Variants in ACO2 observed in about 807,000 individuals in gnomAD.
ACO2 encodes aconitate hydratase, mitochondrial.
In ACO2, 31 loss-of-function variants were observed where a neutral mutation model predicts 84.5. The observed-to-expected ratio is 0.37, with a 90% CI of 0.28 to 0.50. The LOEUF (loss-of-function observed/expected upper bound fraction) is 0.50, where lower values mean the gene tolerates loss of function less well. Among genes scored for constraint, ACO2 ranks in the 20% least tolerant of loss-of-function variants. ACO2 has a pLI of 0.97. For synonymous variants in ACO2, 414 were observed against 412.7 expected, an observed-to-expected ratio of 1.00 and a Z score of -0.04; for missense variants, 685 against 1,029.3, an observed-to-expected ratio of 0.67 and a Z score of 4.58.
chr22:41,518,933 G>A lies in ACO2; in HGVS notation c.1032+361G>A, dbSNP rs527295891. 1.7e-3 allele frequency among the ~76,000 whole-genome samples: 262 copies of A among 152,286 alleles called. 2 individuals carry two copies. The highest frequency in any genetic ancestry group is 2.3e-3 in the Non-Finnish European group (159 of 68,020). ...TGCACTCCAGCCTGGGCGACAGAGC[G>A]ACACTGTCTCAAAAACAAAACAAGA... On this transcript the variant is annotated intron_variant, in intron 8 of 17. Coordinates refer to ENST00000216254, the MANE Select transcript of ACO2 (RefSeq NM_001098.3).
chr22:41,508,928 A>G (rs1485129490), intron 3 of ACO2, among the ~76,000 whole-genome samples: 1 of 152,172 alleles, frequency 6.6e-6, no homozygotes, highest in Non-Finnish European at 1.5e-5. Flanking sequence ...AGCATGGCTC[A>G]AAGCCTCCCA....
chr22:41,476,667 G>A (rs942796200), intron 1 of ACO2, among the ~76,000 whole-genome samples: 20 of 152,056 alleles, frequency 1.3e-4, no homozygotes, highest in African/African-American at 4.6e-4. Context: ...CCGAGATTGC[G>A]CCACTGTACT....
At chr22:41,497,844 C>T (rs749666876) in intron 1 of ACO2, among the ~76,000 whole-genome samples, 25 of 151,268 alleles carry the variant, frequency 1.7e-4, no homozygotes, top group Non-Finnish European at 3.4e-4. Context: ...GATCATGCCA[C>T]TGCACTTCAA....
At chr22:41,473,150 A>G (rs1305075019) in intron 1 of ACO2, among the ~76,000 whole-genome samples, 1 of 152,204 alleles carries the variant, frequency 6.6e-6, no homozygotes, top group Non-Finnish European at 1.5e-5. Context: ...GAACAGACAC[A>G]CCATCCTGAG....
At chr22:41,508,944 A>G (rs975818031) in intron 3 of ACO2, among the ~76,000 whole-genome samples, 4 of 152,106 alleles carry the variant, frequency 2.6e-5, no homozygotes, top group East Asian at 1.9e-4. Context: ...TCCCAGCCCC[A>G]TGGGAAACAC....
intron 1 of ACO2, among the ~76,000 whole-genome samples, chr22:41,487,847 C>G (rs1972896275): frequency 6.6e-6 from 1 of 152,232 alleles, no homozygotes; most frequent in African/African-American, 2.4e-5. Context: ...CGTTGCCTTC[C>G]CCATTTCGTT....
chr22:41,483,670 A>C (rs2038116517), intron 1 of ACO2, among the ~76,000 whole-genome samples: 1 of 151,940 alleles, frequency 6.6e-6, no homozygotes, highest in Non-Finnish European at 1.5e-5. Context: ...AAAAAAAAAA[A>C]AGAAAATTAA....
At chr22:41,502,323 C>T (rs2066359085) in intron 2 of ACO2, among the ~76,000 whole-genome samples, 1 of 152,210 alleles carries the variant, frequency 6.6e-6, no homozygotes, top group South Asian at 2.1e-4. Context: ...TTAGACCCCA[C>T]TCCAGACCCA....
At chr22:41,499,091 CAAAA>C (rs537284651) in intron 1 of ACO2, among the ~76,000 whole-genome samples, 2 of 77,898 alleles carry the variant, frequency 2.6e-5, no homozygotes, top group Non-Finnish European at 5.4e-5. Flanking sequence ...GACTCCGTCT[CAAAA>C]AAAAAAAAAA....
intron 9 of ACO2, among the ~76,000 whole-genome samples, chr22:41,522,332 C>T (rs1401771293): frequency 6.6e-6 from 1 of 152,126 alleles, no homozygotes; most frequent in Non-Finnish European, 1.5e-5. Context: ...GAGCAAGACC[C>T]CATCTCAACA....
In ACO2 at chr22:41,528,511, G is replaced by C. The variant is rs1232405288; in HGVS notation, c.2241G>C (p.Gly747=). 3 of 1,612,634 alleles carry C rather than the reference G, an allele frequency of 1.9e-6. No homozygotes were observed. The highest frequency in any genetic ancestry group is 2.5e-6 in the Non-Finnish European group (3 of 1,180,026). ...PLKCIIKHPN[G]TQETILLNHT... The stretch of plus-strand genomic sequence containing the variant: ...AGTGCATCATCAAGCACCCCAACGG[G>C]ACCCAGGAGACCATCCTCCTGAACC... The change falls in exon 18 of 18, where the codon GGG becomes GGC. Residue 747 remains glycine, a synonymous_variant. Transcript: ENST00000216254.
chr22:41,513,394 T>G (rs2066451096), intron 4 of ACO2, among the ~76,000 whole-genome samples: 1 of 152,190 alleles, frequency 6.6e-6, no homozygotes, highest in Non-Finnish European at 1.5e-5. Flanking sequence ...CAGCTTTACT[T>G]TCTTCCCGCC....
chr22:41,469,853 G>C lies in ACO2; in HGVS notation c.36+671G>C, dbSNP rs543697018. On this transcript the variant is annotated intron_variant, in intron 1 of 17. Coordinates refer to ENST00000216254, the MANE Select transcript of ACO2 (RefSeq NM_001098.3). ...TTTTTCTCATTTGATAGATGATAAA[G>C]CTGGTAGAAAGTAGGTGAAAGTTCT... Among the ~76,000 whole-genome samples the C allele has an allele frequency of 2.4e-4, 36 of 152,292 alleles. No homozygotes were observed. The South Asian group carries it at 7.3e-3, about 31-fold the overall frequency.
chr22:41,524,309 A>G (rs1055885009), intron 12 of ACO2, among the ~76,000 whole-genome samples: 9 of 152,142 alleles, frequency 5.9e-5, no homozygotes, highest in African/African-American at 2.2e-4. Flanking sequence ...GCAGTTTCCA[A>G]CCCCAGGTAG....
chr22:41,469,868 G>GT (rs2037922125), intron 1 of ACO2, among the ~76,000 whole-genome samples: 1 of 152,162 alleles, frequency 6.6e-6, no homozygotes, highest in South Asian at 2.1e-4. Context: ...TAGAAAGTAG[G>GT]TGAAAGTTCT....
At chr22:41,496,931 T>G (rs924443986) in intron 1 of ACO2, among the ~76,000 whole-genome samples, 1 of 152,172 alleles carries the variant, frequency 6.6e-6, no homozygotes, top group Non-Finnish European at 1.5e-5. Flanking sequence ...TGACAGCGTT[T>G]GGATTATATA....
intron 1 of ACO2, among the ~76,000 whole-genome samples, chr22:41,493,480 C>A (rs925209627): frequency 2.0e-5 from 3 of 152,180 alleles, no homozygotes; most frequent in African/African-American, 4.8e-5. Flanking sequence ...TGAGATTTCC[C>A]CTGAGGACTG....
rs190339929 is a variant in ACO2 at position 41,496,776 on chromosome 22, T to A, written c.37-2950T>A. 2.6e-5 allele frequency among the ~76,000 whole-genome samples: 4 copies of A among 152,214 alleles called. No homozygotes were observed. The East Asian group carries it at 7.7e-4, about 29-fold the overall frequency. On this transcript the variant is annotated intron_variant, in intron 1 of 17. Transcript: ENST00000216254. ...AGCTTGAGGGCAAATGGATGTGAAG[T>A]CTGGACTGGGGATGTTGCCCCTGCC...
At position 41,528,193 on chromosome 22, in the gene ACO2, G is replaced by A. The variant is rs2066644228; in HGVS notation, c.2208+171G>A. 5 of 1,094,192 alleles carry A rather than the reference G, an allele frequency of 4.6e-6. No homozygotes were observed. The Admixed American group carries it at 1.3e-4, about 29-fold the overall frequency. The allele number at this position is 1,094,192 out of a possible 1,614,324, so 67.8% of individuals were successfully genotyped here. A position where few individuals can be genotyped will look rare whatever the true frequency, so the allele number is the denominator to read the frequency against. ...AGCAAAGTGGCTTCTCAGAGTTGGG[G>A]GTTGGAGTCAACCCGGGGCCCTCAC... On this transcript the variant is annotated intron_variant, in intron 17 of 17. Transcript: ENST00000216254.
Sources: allele counts gnomAD v4.1 joint callset (sites outside exome capture counted in the v4.1 genomes callset), GRCh38; gene constraint gnomAD v4.1.1; transcripts MANE v1.5; gene names NCBI Gene and HGNC (gene_info 2026-07-23, HGNC 2026-07-21).